The following TEKT5 variants were observed in gnomAD, a reference collection of about 807,000 sequenced individuals.
TEKT5 encodes the protein tektin-5.
In TEKT5, 52 loss-of-function variants were observed where a neutral mutation model predicts 48.7. That is an observed-to-expected ratio of 1.07 (90% confidence interval 0.86 to 1.35). The LOEUF (loss-of-function observed/expected upper bound fraction) is 1.35, where lower values mean the gene tolerates loss of function less well. Ranked by LOEUF, TEKT5 falls within the 40% of genes most tolerant of loss-of-function variation. The probability of loss-of-function intolerance (pLI) is 0.00; values close to 1 mark genes in which losing one functional copy is unlikely to be tolerated. For synonymous variants in TEKT5, 318 were observed against 267.6 expected (o/e 1.19, Z -1.84); for missense variants, 831 against 641.6 (o/e 1.30, Z -3.19).
At chr16:10,663,166 C>T (rs1274462445) in intron 5 of TEKT5, among the ~76,000 whole-genome samples, 3 of 152,186 alleles carry the variant, frequency 2.0e-5, no homozygotes, top group South Asian at 2.1e-4. Context: ...AAACCAACCT[C>T]GGCTCAGTGG....
rs2142258982 is a variant in TEKT5, at chr16:10,635,819, C to T, written c.1186G>A (p.Glu396Lys). The part of the protein sequence containing the change: ...GPLKVAQTRL[E>K]CRTRRPNMEL... ...ATGTTGGGGCGCCGGGTCCGGCACT[C>T]CAGCCTTGTCTGGGCCACCTTCAGC... The change falls in exon 6 of 7, where the codon GAG (glutamate) becomes AAG (lysine). Residue 396 changes from glutamate to lysine, a missense_variant. Transcript: ENST00000283025. 1 of 1,614,190 alleles carries T rather than the reference C, an allele frequency of 6.2e-7. No individual in the cohort carries two copies. The highest frequency in any genetic ancestry group is 8.5e-7 in the Non-Finnish European group (1 of 1,180,036).
intron 6 of TEKT5, 44 bp downstream of exon 6, chr16:10,635,720 G>A: frequency 6.3e-7 from 1 of 1,588,636 alleles, no homozygotes; most frequent in East Asian, 2.3e-5. Context: ...CCCGTTCCTG[G>A]ATTCCCAGGG....
At chr16:10,668,426 C>T (rs1376757104) in intron 5 of TEKT5, among the ~76,000 whole-genome samples, 4 of 152,196 alleles carry the variant, frequency 2.6e-5, no homozygotes, top group African/African-American at 7.2e-5. Context: ...TTCCCCAGGG[C>T]TGGGCCGGTT....
intron 1 of TEKT5, chr16:10,690,836 G>T: frequency 1.0e-6 from 1 of 956,446 alleles, no homozygotes; most frequent in South Asian, 4.8e-5. Context: ...GGAGCAGAAG[G>T]AAGCAGGATG....
At chr16:10,653,465 T>G (rs1198279822) in intron 5 of TEKT5, among the ~76,000 whole-genome samples, 1 of 152,228 alleles carries the variant, frequency 6.6e-6, no homozygotes, top group Non-Finnish European at 1.5e-5. Flanking sequence ...GTTGCACAGA[T>G]GTAGGTTCAA....
chr16:10,667,188 G>A (rs2541512), intron 5 of TEKT5, among the ~76,000 whole-genome samples: 1 of 151,288 alleles, frequency 6.6e-6, no homozygotes, highest in Non-Finnish European at 1.5e-5. Flanking sequence ...CTTACTCTGT[G>A]GCCCAGGCTG....
intron 5 of TEKT5, among the ~76,000 whole-genome samples, chr16:10,673,399 C>T (rs147146325): frequency 9.8e-5 from 15 of 152,290 alleles, no homozygotes; most frequent in African/African-American, 3.4e-4. Flanking sequence ...GCCTGCAAAG[C>T]TGAAAACAGT....
At chr16:10,678,311 A>C (rs1898684703) in intron 4 of TEKT5, among the ~76,000 whole-genome samples, 1 of 152,032 alleles carries the variant, frequency 6.6e-6, no homozygotes, top group African/African-American at 2.4e-5. Context: ...GTTGGCCAGG[A>C]TGGTCTGGAT....
At chr16:10,645,201 A>C (rs1898052283) in intron 5 of TEKT5, among the ~76,000 whole-genome samples, 1 of 152,204 alleles carries the variant, frequency 6.6e-6, no homozygotes, top group Non-Finnish European at 1.5e-5. Flanking sequence ...TGCATGAGAC[A>C]TACTGATGTT....
intron 3 of TEKT5, among the ~76,000 whole-genome samples, chr16:10,686,109 A>T (rs1898858239): frequency 6.6e-6 from 1 of 152,212 alleles, no homozygotes; most frequent in Non-Finnish European, 1.5e-5. Flanking sequence ...TGGAAGAAAG[A>T]ACAGAATAGA....
At chr16:10,629,084 C>T (rs978716048) in intron 6 of TEKT5, among the ~76,000 whole-genome samples, 1 of 151,960 alleles carries the variant, frequency 6.6e-6, no homozygotes, top group Non-Finnish European at 1.5e-5. Context: ...CTGGTGGCTT[C>T]CAGAGGTCAG....
rs952349048 is a variant in TEKT5 at position 10,694,574 on chromosome 16, C to A, written c.300G>T (p.Leu100=). ...SPHDWDQSNQ[L]QVRGAEASRL... ...GGGAGGCCTCGGCCCCACGCACCTG[C>A]AGCTGGTTGGACTGGTCCCAGTCGT... Residue 100 remains leucine (L), a synonymous_variant, in exon 1 of 7, where the codon CTG becomes CTT. Coordinates refer to ENST00000283025, the MANE Select transcript of TEKT5 (RefSeq NM_144674.2). 1.8e-5 allele frequency: 29 copies of A among 1,603,702 alleles called. No homozygotes were observed. The highest frequency in any genetic ancestry group is 2.7e-5 in the African/African-American group (2 of 74,872).
intron 6 of TEKT5, among the ~76,000 whole-genome samples, chr16:10,632,998 G>C (rs932670407): frequency 6.6e-6 from 1 of 152,078 alleles, no homozygotes; most frequent in African/African-American, 2.4e-5. Context: ...CGGGAAACGG[G>C]AAGGCAGAGA....
intron 5 of TEKT5, among the ~76,000 whole-genome samples, chr16:10,659,536 C>T (rs537084992): frequency 6.6e-6 from 1 of 152,186 alleles, no homozygotes; most frequent in East Asian, 1.9e-4. Flanking sequence ...CCCACCACCA[C>T]ACTTGGCTAA....
In TEKT5 at chr16:10,643,512, C is replaced by A. The variant is rs535472371; in HGVS notation, c.1087-7594G>T. ...CATACTATTCATGCTATAGCCTGTG[C>A]TGTCCAACATGAGGCCGAGGGCCAC... is the stretch of plus-strand genomic sequence containing the variant. On this transcript the variant is annotated intron_variant, in intron 5 of 6. Transcript: ENST00000283025. 4.6e-5 allele frequency among the ~76,000 whole-genome samples: 7 copies of A among 152,332 alleles called. No homozygotes were observed. The East Asian group carries it at 1.3e-3, about 29-fold the overall frequency.
intron 5 of TEKT5, among the ~76,000 whole-genome samples, chr16:10,646,432 G>T (rs1225608434): frequency 6.6e-6 from 1 of 152,174 alleles, no homozygotes; most frequent in Non-Finnish European, 1.5e-5. Context: ...AGGTGGGATT[G>T]CAAGTATAAC....
chr16:10,652,006 T>C (rs749702579), intron 5 of TEKT5, among the ~76,000 whole-genome samples: 12 of 152,040 alleles, frequency 7.9e-5, no homozygotes, highest in African/African-American at 1.2e-4. Context: ...CACCAGACTA[T>C]CTAAATCCCA....
At chr16:10,660,216 G>T (rs1421403023) in intron 5 of TEKT5, among the ~76,000 whole-genome samples, 1 of 152,146 alleles carries the variant, frequency 6.6e-6, no homozygotes, top group Admixed American at 6.5e-5. Context: ...AGTGTAAGGG[G>T]TCAAGACGGG....
chr16:10,661,497 A>G (rs1898368985), intron 5 of TEKT5, among the ~76,000 whole-genome samples: 1 of 152,176 alleles, frequency 6.6e-6, no homozygotes, highest in South Asian at 2.1e-4. Flanking sequence ...AGACATGATT[A>G]TGTTTGTAGT....
Sources: gnomAD v4.1 joint callset for allele counts (sites outside exome capture counted in the v4.1 genomes callset) on GRCh38, gnomAD v4.1.1 for gene constraint, MANE v1.5 for transcripts, NCBI Gene and HGNC (gene_info 2026-07-23, HGNC 2026-07-21) for gene names.